Variants in KDM5B observed in about 807,000 individuals in gnomAD.
KDM5B encodes the protein lysine-specific demethylase 5B.
Under a neutral mutation model 193.4 loss-of-function variants are expected in KDM5B, and 144 were observed. The observed-to-expected ratio is 0.74, with a 90% CI of 0.65 to 0.86. The LOEUF is 0.86. Among genes scored for constraint, KDM5B ranks in the 40% least tolerant of loss-of-function variants. KDM5B has a pLI of 0.00. For missense variants in KDM5B, 1,833 were observed against 1,886.9 expected, an observed-to-expected ratio of 0.97 and a Z score of 0.53; for synonymous variants, 668 against 682.6, an observed-to-expected ratio of 0.98 and a Z score of 0.33.
rs777021380 is a variant in KDM5B, at chr1:202,727,313, C to T, written c.*1723G>A. 3.3e-5 allele frequency: 5 copies of T among 152,234 alleles called. No individual in the cohort carries two copies. The highest frequency in any genetic ancestry group is 4.8e-5 in the African/African-American group (2 of 41,442). 9.4% of individuals were successfully genotyped at this position (152,234 alleles called of 1,614,324 possible). ...AACCACGATGATTCCAAATTGTACT[C>T]TGGAGACTATTCTTCTCTATTGGCC... On this transcript the variant is annotated 3_prime_UTR_variant, in exon 27 of 27. Coordinates refer to ENST00000367265, the MANE Select transcript of KDM5B (RefSeq NM_006618.5).
chr1:202,767,420 T>G lies in KDM5B; in HGVS notation c.577-360A>C, dbSNP rs755490934. The G allele has an allele frequency of 8.0e-6, 11 of 1,380,522 alleles. No individual in the cohort carries two copies. In the East Asian group the frequency reaches 2.1e-4, roughly 26 times the overall value. 85.5% of individuals were successfully genotyped at this position (1,380,522 alleles called of 1,614,324 possible). A position where few individuals can be genotyped will look rare whatever the true frequency, so the allele number is the denominator to read the frequency against. On this transcript the variant is annotated intron_variant, in intron 4 of 26. Coordinates refer to ENST00000367265, the MANE Select transcript of KDM5B (RefSeq NM_006618.5). ...AACCTCCGGATGCTCTAGCCCAACA[T>G]AGCGCTGCTGGAAGCTCTGCGAAAG... is the stretch of plus-strand genomic sequence containing the variant.
In KDM5B at chr1:202,787,364, T is replaced by C. The variant is rs556416684; in HGVS notation, c.205-10270A>G. On this transcript the variant is annotated intron_variant, in intron 1 of 26. Coordinates refer to ENST00000367265, the MANE Select transcript of KDM5B (RefSeq NM_006618.5). Reference sequence around the variant, plus strand: ...CAATGTTTTGTCCTTAGGAGTCCTTTAAAATCTTAAAAATTGAGGACCTCA... The same window carrying C: ...CAATGTTTTGTCCTTAGGAGTCCTTCAAAATCTTAAAAATTGAGGACCTCA... 1.8e-3 allele frequency among the ~76,000 whole-genome samples: 274 copies of C among 152,340 alleles called. 2 individuals are homozygous for C. The highest frequency in any genetic ancestry group is 5.2e-3 in the African/African-American group (215 of 41,584).
chr1:202,755,978 C>CAA (rs34507234), intron 10 of KDM5B, among the ~76,000 whole-genome samples: 76 of 128,654 alleles, frequency 5.9e-4, no homozygotes, highest in African/African-American at 1.5e-3. Flanking sequence ...AGAAAACTAC[C>CAA]AAAAAAAAAA....
chr1:202,725,937 C>A lies in KDM5B; in HGVS notation c.*3099G>T, dbSNP rs371067209. ...ATCAATACCTGCTCCAAGCCAGAAG[C>A]AGGTCTTAACAGACTGCCAAATATC... On this transcript the variant is annotated 3_prime_UTR_variant, in exon 27 of 27. Transcript: ENST00000367265. 6.6e-6 allele frequency: 1 copy of A among 152,212 alleles called. No homozygotes were observed. Among genetic ancestry groups the A allele is most frequent in the African/African-American group, 2.4e-5 (1 of 41,446 alleles). The allele number at this position is 152,212 out of a possible 1,614,324, so 9.4% of individuals were successfully genotyped here. A position where few individuals can be genotyped will look rare whatever the true frequency, so the allele number is the denominator to read the frequency against.
rs1472470586 is a variant in KDM5B at position 202,725,808 on chromosome 1, T to C, written c.*3228A>G. On this transcript the variant is annotated 3_prime_UTR_variant, in exon 27 of 27. Coordinates refer to ENST00000367265, the MANE Select transcript of KDM5B (RefSeq NM_006618.5). ...ATCCTTGTTGTCCAATTCTGTCTCC[T>C]GTTACAGGTATATAGCATCTGGAAT... The C allele has an allele frequency of 6.6e-6, 1 of 152,258 alleles. No homozygotes were observed. The highest frequency in any genetic ancestry group is 2.4e-5 in the African/African-American group (1 of 41,452). The allele number at this position is 152,258 out of a possible 1,614,324, so 9.4% of individuals were successfully genotyped here.
In KDM5B at chr1:202,729,714, CCTT is replaced by C. The variant is rs766734568; in HGVS notation, c.4487_4489del (p.Glu1496del). ...GGCCCAAACCTCACTGACCTCATCT[CCTT>C]CTGGCTGCAGGCAGCTCACAGCTGG... On this transcript the variant is annotated inframe_deletion, in exon 26 of 27. Coordinates refer to ENST00000367265, the MANE Select transcript of KDM5B (RefSeq NM_006618.5). 2 of 1,612,990 alleles carry C rather than the reference CCTT, an allele frequency of 1.2e-6. No homozygotes were observed. The highest frequency in any genetic ancestry group is 8.5e-7 in the Non-Finnish European group (1 of 1,179,358).
rs139912150 is a variant in KDM5B at position 202,766,971 on chromosome 1, C to T, written c.666G>A (p.Ser222=). 5.0e-5 allele frequency: 79 copies of T among 1,585,900 alleles called. No individual in the cohort carries two copies. Among genetic ancestry groups the T allele is most frequent in the Middle Eastern group, 1.7e-4 (1 of 5,968 alleles). Residue 222 remains serine, a synonymous_variant, in exon 5 of 27, where the codon TCG becomes TCA. Transcript: ENST00000367265. ...DIPQRQSVQP[S]ETCPPARRAK... ...CTCGTCGGGCTGGGGGGCACGTTTC[C>T]GAAGGCTGCACAGACTGCCTCTGGG... is the stretch of plus-strand genomic sequence containing the variant.
intron 21 of KDM5B, 55 bp from the exon 22 acceptor site, chr1:202,735,642 T>A (rs1007888413): frequency 6.6e-7 from 1 of 1,515,802 alleles, no homozygotes. Context: ...TAAAGCATTA[T>A]GTAGGAAGTC....
rs1655679359 is a variant in KDM5B, at chr1:202,748,983, C to G, written c.1978G>C (p.Glu660Gln). The G allele has an allele frequency of 1.2e-6, 2 of 1,613,274 alleles. No homozygotes were observed. The highest frequency in any genetic ancestry group is 1.7e-6 in the Non-Finnish European group (2 of 1,179,758). The change falls in exon 14 of 27, where the codon GAG becomes CAG. Residue 660 changes from glutamate (E) to glutamine (Q), a missense_variant. Glu to Gln is a conservative substitution (Grantham distance 29). Transcript: ENST00000367265. Reference protein sequence around the residue: ...TVQKDMAIMIEDEKALRETVR... With the variant: ...TVQKDMAIMIQDEKALRETVR... ...GTTTCTCTTAAAGCTTTCTCATCCT[C>G]AATCATAATGGCCATGTCTTTCTGA...
At chr1:202,768,819 G>A (rs2363763) in intron 4 of KDM5B, among the ~76,000 whole-genome samples, 32,251 of 149,044 alleles carry the variant, frequency 0.22, 4,223 homozygotes, top group Non-Finnish European at 0.3. Flanking sequence ...CCAGGTTCAA[G>A]CAATTCTCCT....
intron 23 of KDM5B, chr1:202,732,199 A>T (rs1237832295): frequency 7.1e-6 from 3 of 421,414 alleles, no homozygotes; most frequent in Non-Finnish European, 1.3e-5. Flanking sequence ...CCACTGGGAA[A>T]TAAGCCACTT....
chr1:202,766,929 T>C lies in KDM5B; in HGVS notation c.708A>G (p.Ala236=), dbSNP rs1656487602. 1 of 1,577,782 alleles carries C rather than the reference T, an allele frequency of 6.3e-7. No individual in the cohort carries two copies. Among genetic ancestry groups the C allele is most frequent in the Non-Finnish European group, 8.5e-7 (1 of 1,170,914 alleles). ...PPARRAKRMR[A]EAMNIKIEPE... ...ATTAACCTCATGAGGCTCTTACCTC[T>C]GCTCTCATGCGTTTTGCTCGTCGGG... is the stretch of plus-strand genomic sequence containing the variant. Residue 236 remains alanine (A), a synonymous_variant, in exon 5 of 27, where the codon GCA becomes GCG. Transcript: ENST00000367265.
At chr1:202,745,139 A>G (rs1482610311) in intron 16 of KDM5B, among the ~76,000 whole-genome samples, 1 of 152,190 alleles carries the variant, frequency 6.6e-6, no homozygotes. Context: ...ACACGTGAAC[A>G]CATACAGGGG....
In KDM5B at chr1:202,736,259, G is replaced by A. The variant is rs1655089685; in HGVS notation, c.3218C>T (p.Ala1073Val). The change falls in exon 21 of 27, where the codon GCT becomes GTT. Residue 1073 changes from alanine (A) to valine (V), a missense_variant. Coordinates refer to ENST00000367265, the MANE Select transcript of KDM5B (RefSeq NM_006618.5). Reference protein sequence around the residue: ...VAEVQAWKECAVNTFLTENSP... With the variant: ...VAEVQAWKECVVNTFLTENSP... ...ATTCTCAGTCAAGAATGTATTAACA[G>A]CACATTCTTTCCAAGCCTGAACCTC... 3 of 1,608,082 alleles carry A rather than the reference G, an allele frequency of 1.9e-6. No homozygotes were observed. Among genetic ancestry groups the A allele is most frequent in the Non-Finnish European group, 2.5e-6 (3 of 1,176,976 alleles).
Position 202,742,426 on chromosome 1 carries a change from G to T in KDM5B, c.2554C>A (p.Leu852Ile). 1 of 1,614,024 alleles carries T rather than the reference G, an allele frequency of 6.2e-7. No individual in the cohort carries two copies. The highest frequency in any genetic ancestry group is 8.5e-7 in the Non-Finnish European group (1 of 1,179,936). The change falls in exon 18 of 27, where the codon CTT (leucine) becomes ATT (isoleucine). Residue 852 changes from leucine to isoleucine, a missense_variant. Leu to Ile is a conservative substitution (Grantham distance 5). Transcript: ENST00000367265. ...LRQFVTQLYA[L>I]PCVLSQTPLL... ...GGTGTCTGACTGAGGACACATGGAA[G>T]AGCATACAGCTGTGTTACAAACTGC...
chr1:202,742,848 TTTA>T (rs775055675), intron 16 of KDM5B, 43 bp from the exon 17 acceptor site: 50 of 1,543,972 alleles, frequency 3.2e-5, no homozygotes, highest in Non-Finnish European at 4.2e-5. Flanking sequence ...AATCATTATG[TTTA>T]TTACTACTGG....
At chr1:202,780,362 G>C (rs1375575484) in intron 1 of KDM5B, among the ~76,000 whole-genome samples, 9 of 152,060 alleles carry the variant, frequency 5.9e-5, no homozygotes, top group Non-Finnish European at 1.2e-4. Flanking sequence ...GCTAACTTTT[G>C]TATTTTTAGT....
In KDM5B at chr1:202,749,250, G is replaced by A. The variant is rs530578414; in HGVS notation, c.1822-111C>T. 53 of 926,308 alleles carry A rather than the reference G, an allele frequency of 5.7e-5. 1 individual carries two copies. Among genetic ancestry groups the A allele is most frequent in the South Asian group, 4.6e-4 (25 of 54,072 alleles). The allele number at this position is 926,308 out of a possible 1,614,324, so 57.4% of individuals were successfully genotyped here. On this transcript the variant is annotated intron_variant, in intron 13 of 26. Coordinates refer to ENST00000367265, the MANE Select transcript of KDM5B (RefSeq NM_006618.5). ...AACATCACACTATGGGTCTTAACAC[G>A]TATCATTTACCAACCCTAAAACCAG...
At chr1:202,774,234 AAAGT>A (rs1195371814) in intron 3 of KDM5B, among the ~76,000 whole-genome samples, 1 of 152,174 alleles carries the variant, frequency 6.6e-6, no homozygotes, top group African/African-American at 2.4e-5. Context: ...CACATCTCAA[AAAGT>A]AAGTTTATTT....
Sources: gnomAD v4.1 joint callset for allele counts (sites outside exome capture counted in the v4.1 genomes callset) on GRCh38, gnomAD v4.1.1 for gene constraint, MANE v1.5 for transcripts, NCBI Gene and HGNC (gene_info 2026-07-23, HGNC 2026-07-21) for gene names.